Variants in CSMD1 observed in about 807,000 individuals in gnomAD.
CSMD1 encodes CUB and Sushi multiple domains 1, also known as CUB and sushi domain-containing protein 1.
Under a neutral mutation model 417.5 loss-of-function variants are expected in CSMD1, and 213 were observed. The observed-to-expected ratio is 0.51, with a 90% CI of 0.46 to 0.57. CSMD1 has a LOEUF of 0.57. Among genes scored for constraint, CSMD1 ranks in the 20% least tolerant of loss-of-function variants. CSMD1 has a pLI of 0.00. For synonymous variants in CSMD1, 2,862 were observed against 1,736.8 expected, an observed-to-expected ratio of 1.65 and a Z score of -16.11; for missense variants, 6,923 against 4,529.7, an observed-to-expected ratio of 1.53 and a Z score of -15.17.
chr8:4,088,884 T>C (rs903968558), intron 3 of CSMD1, among the ~76,000 whole-genome samples: 1 of 152,136 alleles, frequency 6.6e-6, no homozygotes, highest in Non-Finnish European at 1.5e-5. Context: ...CCACCCGCAA[T>C]CTTCCCCCTC....
chr8:3,973,540 AAAC>A (rs1354940062), intron 5 of CSMD1, among the ~76,000 whole-genome samples: 2 of 152,232 alleles, frequency 1.3e-5, no homozygotes, highest in African/African-American at 4.8e-5. Context: ...GTACTTCTAC[AAAC>A]AACAAAATTC....
At chr8:3,155,850 T>A (rs573493840) in intron 39 of CSMD1, among the ~76,000 whole-genome samples, 1 of 152,332 alleles carries the variant, frequency 6.6e-6, no homozygotes, top group Non-Finnish European at 1.5e-5. Context: ...CTCTCCTGGA[T>A]GAGCCTATCA....
At chr8:3,843,909 C>T (rs888243575) in intron 5 of CSMD1, among the ~76,000 whole-genome samples, 1 of 152,128 alleles carries the variant, frequency 6.6e-6, no homozygotes, top group Non-Finnish European at 1.5e-5. Flanking sequence ...TTACACCCAG[C>T]AGAACTTTCC....
At chr8:3,290,949 T>C (rs561810259) in intron 25 of CSMD1, among the ~76,000 whole-genome samples, 1 of 152,322 alleles carries the variant, frequency 6.6e-6, no homozygotes, top group African/African-American at 2.4e-5. Context: ...CAGTATGATA[T>C]TGGCTGTGGG....
At chr8:4,335,441 G>A (rs570905194) in intron 3 of CSMD1, among the ~76,000 whole-genome samples, 1 of 152,054 alleles carries the variant, frequency 6.6e-6, no homozygotes, top group South Asian at 2.1e-4. Flanking sequence ...CTCGTTACTA[G>A]AATCATTTAT....
At chr8:3,315,452 G>GTC (rs1563263794) in intron 23 of CSMD1, among the ~76,000 whole-genome samples, 27 of 151,828 alleles carry the variant, frequency 1.8e-4, no homozygotes, top group Non-Finnish European at 3.4e-4. Context: ...GTGTGTGTGT[G>GTC]TGTGTGTGTG....
At chr8:4,336,624 C>G (rs1800188934) in intron 3 of CSMD1, among the ~76,000 whole-genome samples, 2 of 152,172 alleles carry the variant, frequency 1.3e-5, no homozygotes, top group South Asian at 4.1e-4. Context: ...TTGTGTTGCA[C>G]AAATGAGCAC....
intron 1 of CSMD1, among the ~76,000 whole-genome samples, chr8:4,690,662 C>A (rs1033097291): frequency 2.0e-5 from 3 of 152,142 alleles, no homozygotes; most frequent in African/African-American, 7.2e-5. Flanking sequence ...ATAATCTCAG[C>A]ATTTCAGCAG....
intron 3 of CSMD1, among the ~76,000 whole-genome samples, chr8:4,084,686 T>C (rs1052175703): frequency 1.3e-5 from 2 of 151,890 alleles, no homozygotes; most frequent in Non-Finnish European, 2.9e-5. Context: ...GCACTAGCAA[T>C]AGAGGCATCA....
chr8:4,971,276 T>G (rs529220946), intron 1 of CSMD1, among the ~76,000 whole-genome samples: 4 of 152,192 alleles, frequency 2.6e-5, no homozygotes, highest in African/African-American at 9.6e-5. Context: ...CTCTTATAAA[T>G]GCTCTCAACA....
chr8:3,445,973 C>T (rs1815278200), intron 12 of CSMD1, among the ~76,000 whole-genome samples: 1 of 152,048 alleles, frequency 6.6e-6, no homozygotes, highest in Non-Finnish European at 1.5e-5. Flanking sequence ...TTGTTCTGGG[C>T]ACAACAGAGG....
intron 3 of CSMD1, among the ~76,000 whole-genome samples, chr8:4,182,230 A>C (rs1255088673): frequency 6.6e-6 from 1 of 152,196 alleles, no homozygotes; most frequent in Non-Finnish European, 1.5e-5. Flanking sequence ...AACTTATGAT[A>C]CATAAGAAAA....
intron 1 of CSMD1, among the ~76,000 whole-genome samples, chr8:4,929,197 C>T (rs919860092): frequency 3.3e-5 from 5 of 152,076 alleles, no homozygotes; most frequent in African/African-American, 4.8e-5. Flanking sequence ...GAACAGAGCA[C>T]GAGGGGACAC....
chr8:3,070,394 T>C (rs577955189), intron 49 of CSMD1, among the ~76,000 whole-genome samples: 1 of 152,244 alleles, frequency 6.6e-6, no homozygotes, highest in Admixed American at 6.5e-5. Context: ...AATTTCAACT[T>C]TAAGTCATTT....
At chr8:3,218,797 G>A (rs544304335) in intron 29 of CSMD1, among the ~76,000 whole-genome samples, 119 of 151,862 alleles carry the variant, frequency 7.8e-4, no homozygotes, top group Middle Eastern at 3.4e-3. Context: ...ATTTGAACCC[G>A]GGAGGCGGAG....
At chr8:3,616,825 T>C in intron 7 of CSMD1, 28 bp from the exon 8 acceptor site, 2 of 1,489,594 alleles carry the variant, frequency 1.3e-6, no homozygotes, top group South Asian at 2.3e-5. Context: ...ATTGTCAAAA[T>C]GCTGTATAGT....
intron 1 of CSMD1, among the ~76,000 whole-genome samples, chr8:4,929,679 C>G (rs1434834273): frequency 6.6e-6 from 1 of 152,086 alleles, no homozygotes; most frequent in African/African-American, 2.4e-5. Flanking sequence ...TCCCAGAAAA[C>G]TTCAGCTTCT....
chr8:4,115,992 A>G (rs1487435300), intron 3 of CSMD1, among the ~76,000 whole-genome samples: 1 of 149,040 alleles, frequency 6.7e-6, no homozygotes, highest in East Asian at 2.0e-4. Flanking sequence ...TTATTTATTT[A>G]TTTATTTATT....
intron 38 of CSMD1, 109 bp from the exon 39 acceptor site, chr8:3,158,075 ATTTG>A: frequency 1.1e-6 from 1 of 915,472 alleles, no homozygotes; most frequent in Admixed American, 2.5e-5. Context: ...AATTATAAAT[ATTTG>A]AAAATTCAAA....
Sources: allele counts gnomAD v4.1 joint callset (sites outside exome capture counted in the v4.1 genomes callset), GRCh38; gene constraint gnomAD v4.1.1; transcripts MANE v1.5; gene names NCBI Gene and HGNC (gene_info 2026-07-23, HGNC 2026-07-21).